MATN2: variants seen among roughly 807,000 people sequenced by gnomAD.
MATN2 encodes the protein matrilin 2, also known as matrilin-2.
Under a neutral mutation model 103.2 loss-of-function variants are expected in MATN2, and 69 were observed. The observed-to-expected ratio is 0.67, with a 90% CI of 0.55 to 0.82. MATN2 has a LOEUF of 0.82. Ranked by LOEUF, MATN2 falls within the 40% of genes least tolerant of loss-of-function variation. MATN2 has a pLI of 0.00. For synonymous variants in MATN2, 429 were observed against 450.2 expected (o/e 0.95, Z 0.60); for missense variants, 1,023 against 1,211.5 (o/e 0.84, Z 2.31).
chr8:97,994,509 G>A lies in MATN2; in HGVS notation c.1111G>A (p.Gly371Arg), dbSNP rs751651164. Residue 371 changes from glycine to arginine, a missense_variant, in exon 7 of 19, where the codon GGA (glycine) becomes AGA (arginine). Physicochemically the swap from Gly to Arg is moderately radical, Grantham distance 125. Transcript: ENST00000254898. ...AGACTACTGTGCCTCATCTAATCAC[G>A]GATGTCAGCACGAGTGTGTTAACAC... ...KIDYCASSNH[G>R]CQHECVNTDD... The A allele has an allele frequency of 5.0e-6, 8 of 1,612,854 alleles. No individual in the cohort carries two copies. The highest frequency in any genetic ancestry group is 5.1e-6 in the Non-Finnish European group (6 of 1,179,490).
In MATN2 at chr8:97,931,653, AAACAC is replaced by A. The variant is rs1810202843; in HGVS notation, c.712+135_712+139del. Reference sequence around the variant, plus strand: ...ATAGGTTTTCAACAAAGGCCAAGATAAACACAACGTGCTCCAGGGGCTTACACTTT... The same window carrying A: ...ATAGGTTTTCAACAAAGGCCAAGATAAACGTGCTCCAGGGGCTTACACTTT... On this transcript the variant is annotated intron_variant, in intron 3 of 18. Transcript: ENST00000254898. The surrounding 1 kb of genome is among the most constrained non-coding windows in gnomAD (Gnocchi z 4.1). The A allele has an allele frequency of 1.2e-6, 1 of 818,944 alleles. No individual in the cohort carries two copies. The highest frequency in any genetic ancestry group is 1.9e-6 in the Non-Finnish European group (1 of 536,482). The allele number at this position is 818,944 out of a possible 1,614,324, so 50.7% of individuals were successfully genotyped here. A position where few individuals can be genotyped will look rare whatever the true frequency, so the allele number is the denominator to read the frequency against.
intron 1 of MATN2, among the ~76,000 whole-genome samples, chr8:97,876,675 G>A (rs1213568070): frequency 2.0e-5 from 3 of 152,102 alleles, no homozygotes; most frequent in East Asian, 1.9e-4. Context: ...AATCAAGGAA[G>A]CAGCTGGATT....
intron 2 of MATN2, among the ~76,000 whole-genome samples, chr8:97,888,931 T>C (rs1292084402): frequency 6.6e-6 from 1 of 152,150 alleles, no homozygotes; most frequent in African/African-American, 2.4e-5. Flanking sequence ...ATAGATGTGA[T>C]ATAACGTAGG....
chr8:97,993,210 G>A (rs1324884724), intron 6 of MATN2, among the ~76,000 whole-genome samples: 1 of 152,022 alleles, frequency 6.6e-6, no homozygotes, highest in Non-Finnish European at 1.5e-5. Flanking sequence ...CAAGAATATT[G>A]TATATCTTTC....
intron 3 of MATN2, among the ~76,000 whole-genome samples, chr8:97,935,361 T>C (rs1015513527): frequency 3.9e-5 from 6 of 152,226 alleles, no homozygotes; most frequent in African/African-American, 1.4e-4. Context: ...TATTAGTGTA[T>C]GTTAACTCAC....
chr8:97,960,192 G>A (rs1261023525), intron 4 of MATN2, among the ~76,000 whole-genome samples: 1 of 152,156 alleles, frequency 6.6e-6, no homozygotes, highest in Non-Finnish European at 1.5e-5. Context: ...TCTGACCTCA[G>A]ATGATCCTCC....
In MATN2 at chr8:98,035,530, C is replaced by T. The variant is rs896967314; in HGVS notation, c.2816-127C>T. 5 of 552,520 alleles carry T rather than the reference C, an allele frequency of 9.0e-6. No individual in the cohort carries two copies. The African/African-American group carries it at 9.7e-5, about 11-fold the overall frequency. 34.2% of individuals were successfully genotyped at this position (552,520 alleles called of 1,614,324 possible). On this transcript the variant is annotated intron_variant, in intron 18 of 18. Transcript: ENST00000254898. ...CAAGTCAGGGTTTTAACATACTTGACAGAAATGGGAAAAAAAACCAAAACC... is the reference window on the plus strand; with the variant it reads ...CAAGTCAGGGTTTTAACATACTTGATAGAAATGGGAAAAAAAACCAAAACC...
At chr8:97,965,510 G>A (rs1811450644) in intron 5 of MATN2, among the ~76,000 whole-genome samples, 1 of 152,094 alleles carries the variant, frequency 6.6e-6, no homozygotes, top group Admixed American at 6.6e-5. Flanking sequence ...GAAAGAAGGT[G>A]CTGTACATAA....
intron 2 of MATN2, among the ~76,000 whole-genome samples, chr8:97,924,605 G>A (rs1421685445): frequency 1.3e-5 from 2 of 152,008 alleles, no homozygotes; most frequent in Non-Finnish European, 2.9e-5. Flanking sequence ...GCCCTTGACC[G>A]TACTGAACTC....
chr8:97,980,156 G>A (rs1190195229), intron 6 of MATN2, among the ~76,000 whole-genome samples: 1 of 152,228 alleles, frequency 6.6e-6, no homozygotes, highest in East Asian at 1.9e-4. Context: ...GGGGTTCCAG[G>A]AGAAGGAAAG....
chr8:97,916,707 G>A (rs1488612908), intron 2 of MATN2, among the ~76,000 whole-genome samples: 1 of 152,162 alleles, frequency 6.6e-6, no homozygotes, highest in Non-Finnish European at 1.5e-5. Flanking sequence ...GACGTGAGGG[G>A]TATTTTTTGG....
Position 98,027,431 on chromosome 8 carries a change from C to G in MATN2, c.1958C>G (p.Pro653Arg). 1.2e-6 allele frequency: 2 copies of G among 1,605,480 alleles called. No homozygotes were observed. Among genetic ancestry groups the G allele is most frequent in the Non-Finnish European group, 8.5e-7 (1 of 1,173,178 alleles). The change falls in exon 14 of 19, where the codon CCA (proline) becomes CGA (arginine). Residue 653 changes from proline to arginine, a missense_variant. Pro to Arg is a moderately radical substitution (Grantham distance 103, BLOSUM62 -2). Coordinates refer to ENST00000254898, the MANE Select transcript of MATN2 (RefSeq NM_002380.5). ...GRRCKKCTEGPIDLVFVIDGS... is the reference protein window; with the variant it reads ...GRRCKKCTEGRIDLVFVIDGS... The stretch of plus-strand genomic sequence containing the variant: ...GTTCATATAGAATGCACTGAAGGCC[C>G]AATTGACCTGGTCTTTGTGATCGAT...
chr8:97,876,304 C>T (rs1379115784), intron 1 of MATN2, among the ~76,000 whole-genome samples: 1 of 151,926 alleles, frequency 6.6e-6, no homozygotes, highest in African/African-American at 2.4e-5. Context: ...ATTCTCCTGC[C>T]TCAGCCTCCC....
intron 1 of MATN2, among the ~76,000 whole-genome samples, chr8:97,882,251 A>C (rs978937921): frequency 9.2e-5 from 14 of 151,680 alleles, no homozygotes; most frequent in African/African-American, 3.4e-4. Flanking sequence ...TCACAAGCCC[A>C]CAGTTAACAT....
Position 98,033,567 on chromosome 8 carries a change from C to T in MATN2, c.2723C>T (p.Pro908Leu). 6.3e-7 allele frequency: 1 copy of T among 1,586,892 alleles called. No homozygotes were observed. The highest frequency in any genetic ancestry group is 8.6e-7 in the Non-Finnish European group (1 of 1,166,654). Reference sequence around the variant, plus strand: ...TTTCCATCTGCTTTCTCAGGAAGCCCTTTGGAAGAAAAACACGATCAATGC... The same window carrying T: ...TTTCCATCTGCTTTCTCAGGAAGCCTTTTGGAAGAAAAACACGATCAATGC... ...LSHSTKPSGS[P>L]LEEKHDQCKC... The change falls in exon 18 of 19, where the codon CCT (proline) becomes CTT (leucine). Residue 908 changes from proline to leucine, a missense_variant. Transcript: ENST00000254898.
chr8:97,985,646 C>T (rs1812166445), intron 6 of MATN2, among the ~76,000 whole-genome samples: 1 of 152,134 alleles, frequency 6.6e-6, no homozygotes, highest in Non-Finnish European at 1.5e-5. Context: ...AATACAGGTT[C>T]ATTGAGGGAA....
At chr8:97,877,252 C>T (rs1281388756) in intron 1 of MATN2, among the ~76,000 whole-genome samples, 4 of 151,804 alleles carry the variant, frequency 2.6e-5, no homozygotes, top group East Asian at 2.0e-4. Context: ...CCGAGGCGGG[C>T]GGATCATCTG....
chr8:97,973,226 G>A (rs1811718079), intron 5 of MATN2, among the ~76,000 whole-genome samples: 1 of 152,152 alleles, frequency 6.6e-6, no homozygotes, highest in Non-Finnish European at 1.5e-5. Context: ...TGACACCTTG[G>A]AGTTTTACAG....
intron 5 of MATN2, among the ~76,000 whole-genome samples, chr8:97,974,521 A>G (rs1054616018): frequency 1.3e-5 from 2 of 152,156 alleles, no homozygotes; most frequent in African/African-American, 2.4e-5. Context: ...ATCTTGGCTC[A>G]CTGCAACCTC....
Sources: allele counts gnomAD v4.1 joint callset (sites outside exome capture counted in the v4.1 genomes callset), GRCh38; gene constraint gnomAD v4.1.1; non-coding constraint Gnocchi (gnomAD v3.1); transcripts MANE v1.5; gene names NCBI Gene and HGNC (gene_info 2026-07-23, HGNC 2026-07-21).